The following PPARA variants were observed in gnomAD, a reference collection of about 807,000 sequenced individuals.
PPARA encodes the protein peroxisome proliferator activated receptor alpha.
PPARA carries 22 observed loss-of-function variants against 42.2 expected under a neutral mutation model. The ratio of observed to expected loss-of-function variants is 0.52; its 90% confidence interval spans 0.37 to 0.74. The LOEUF (loss-of-function observed/expected upper bound fraction) is 0.74, where lower values mean the gene tolerates loss of function less well. PPARA is among the 30% of genes least tolerant of loss of function. The pLI is 0.00. For synonymous variants in PPARA, 242 were observed against 239.3 expected (o/e 1.01, Z -0.10); for missense variants, 465 against 608.2 (o/e 0.76, Z 2.48).
At chr22:46,170,185 C>T (rs1413489622) in intron 2 of PPARA, among the ~76,000 whole-genome samples, 2 of 151,158 alleles carry the variant, frequency 1.3e-5, no homozygotes, top group Non-Finnish European at 2.9e-5. Context: ...TATACAGGCT[C>T]TTTTTCATAG....
rs1925318846 is a variant in PPARA, at chr22:46,156,508, C to T, written c.-127+4538C>T. On this transcript the variant is annotated intron_variant, in intron 2 of 8. Transcript: ENST00000407236. This position sits in a 1 kb window ranked among gnomAD's most constrained non-coding sequence, Gnocchi z 5.2. ...AGGCTTTCAGAAAGCAACATGCTACCGTACCCCTTATACACCAAAACTGGT... is the reference window on the plus strand; with the variant it reads ...AGGCTTTCAGAAAGCAACATGCTACTGTACCCCTTATACACCAAAACTGGT... 3.3e-5 allele frequency: 5 copies of T among 152,162 alleles called. No individual in the cohort carries two copies. Among genetic ancestry groups the T allele is most frequent in the African/African-American group, 7.2e-5 (3 of 41,414 alleles). 9.4% of individuals were successfully genotyped at this position (152,162 alleles called of 1,614,324 possible).
In PPARA at chr22:46,193,398, C is replaced by T. The variant is rs1288717693; in HGVS notation, c.-42-4944C>T. Among the ~76,000 whole-genome samples the T allele has an allele frequency of 6.6e-6, 1 of 151,960 alleles. No homozygotes were observed. The highest frequency in any genetic ancestry group is 2.4e-5 in the African/African-American group (1 of 41,356). On this transcript the variant is annotated intron_variant, in intron 3 of 8. Transcript: ENST00000407236. This position sits in a 1 kb window ranked among gnomAD's most constrained non-coding sequence, Gnocchi z 5.3. ...GATAGCATAATAGGGCGACTATAGT[C>T]AATAATAACTTAATGGTATATTTTT...
Position 46,195,740 on chromosome 22 carries a change from T to A in PPARA, c.-42-2602T>A, listed in dbSNP as rs1932153028. The stretch of plus-strand genomic sequence containing the variant: ...TATTCTTTACTCTATCTGGAGAGTC[T>A]GGCGTTCCGTAATCACCATGTGATG... On this transcript the variant is annotated intron_variant, in intron 3 of 8. Coordinates refer to ENST00000407236, the MANE Select transcript of PPARA (RefSeq NM_005036.6). This position sits in a 1 kb window ranked among gnomAD's most constrained non-coding sequence, Gnocchi z 4.6. 6.6e-6 allele frequency among the ~76,000 whole-genome samples: 1 copy of A among 152,192 alleles called. No individual in the cohort carries two copies. The highest frequency in any genetic ancestry group is 2.1e-4 in the South Asian group (1 of 4,826).
At chr22:46,170,392 C>A (rs1294069530) in intron 2 of PPARA, among the ~76,000 whole-genome samples, 2 of 144,332 alleles carry the variant, frequency 1.4e-5, no homozygotes, top group African/African-American at 5.1e-5. Context: ...TGTACCACCA[C>A]ACCCAGCTAA....
Position 46,173,737 on chromosome 22 carries a change from A to G in PPARA, c.-126-3016A>G, listed in dbSNP as rs1343998833. Among the ~76,000 whole-genome samples the G allele has an allele frequency of 1.3e-5, 2 of 152,240 alleles. No homozygotes were observed. Among genetic ancestry groups the G allele is most frequent in the African/African-American group, 4.8e-5 (2 of 41,462 alleles). On this transcript the variant is annotated intron_variant, in intron 2 of 8. Coordinates refer to ENST00000407236, the MANE Select transcript of PPARA (RefSeq NM_005036.6). The surrounding 1 kb of genome is among the most constrained non-coding windows in gnomAD (Gnocchi z 4.3). ...TTAACAAAATTTGAATACGAATCAT[A>G]GATTGAACTGTATCTGTTAAATTAA...
intron 4 of PPARA, among the ~76,000 whole-genome samples, chr22:46,205,004 A>T (rs2147444860): frequency 6.6e-6 from 1 of 151,632 alleles, no homozygotes; most frequent in East Asian, 1.9e-4. Flanking sequence ...AGTAGCTGGG[A>T]CCACAGGTGT....
chr22:46,212,950 G>A lies in PPARA; in HGVS notation c.209-2223G>A, dbSNP rs35528985. On this transcript the variant is annotated intron_variant, in intron 4 of 8. Coordinates refer to ENST00000407236, the MANE Select transcript of PPARA (RefSeq NM_005036.6). The surrounding 1 kb of genome is among the most constrained non-coding windows in gnomAD (Gnocchi z 4.2). ...GCAGAGGTTGCAGTGAGCTGAGATC[G>A]TGCCACTCCACTCCAGCCTGGGTGA... is the stretch of plus-strand genomic sequence containing the variant. Among the ~76,000 whole-genome samples, 347 of 152,272 alleles carry A rather than the reference G, an allele frequency of 2.3e-3. 1 individual carries two copies. The highest frequency in any genetic ancestry group is 0.014 in the Middle Eastern group (4 of 294).
intron 2 of PPARA, among the ~76,000 whole-genome samples, chr22:46,174,217 AGGG>A (rs1828579076): frequency 7.2e-5 from 1 of 13,826 alleles, no homozygotes; most frequent in African/African-American, 5.7e-4. Flanking sequence ...AGAGAGAGAG[AGGG>A]AGAAAGAAAG....
chr22:46,235,486 C>G lies in PPARA; in HGVS notation c.*106C>G. ...TTGCACAAATATCCACCACTTTAAC[C>G]TTAGAGCTTGGACAGTCTGAGCTGT... On this transcript the variant is annotated 3_prime_UTR_variant, in exon 9 of 9. Coordinates refer to ENST00000407236, the MANE Select transcript of PPARA (RefSeq NM_005036.6). The surrounding 1 kb of genome is among the most constrained non-coding windows in gnomAD (Gnocchi z 7.0). The G allele has an allele frequency of 6.9e-7, 1 of 1,448,098 alleles. No homozygotes were observed. Among genetic ancestry groups the G allele is most frequent in the Non-Finnish European group, 9.4e-7 (1 of 1,058,780 alleles). 89.7% of individuals were successfully genotyped at this position (1,448,098 alleles called of 1,614,324 possible).
chr22:46,153,126 A>G (rs981616539), intron 2 of PPARA, among the ~76,000 whole-genome samples: 2 of 150,010 alleles, frequency 1.3e-5, no homozygotes, highest in African/African-American at 4.9e-5. Flanking sequence ...ACTAATTGAC[A>G]TTAGAAAAAA....
In PPARA at chr22:46,182,728, C is replaced by T. The variant is rs1453697954; in HGVS notation, c.-43+5892C>T. Among the ~76,000 whole-genome samples, 1 of 151,936 alleles carries T rather than the reference C, an allele frequency of 6.6e-6. No homozygotes were observed. The highest frequency in any genetic ancestry group is 1.5e-5 in the Non-Finnish European group (1 of 67,980). On this transcript the variant is annotated intron_variant, in intron 3 of 8. Coordinates refer to ENST00000407236, the MANE Select transcript of PPARA (RefSeq NM_005036.6). This position sits in a 1 kb window ranked among gnomAD's most constrained non-coding sequence, Gnocchi z 5.2. ...GTATGCCAGTTACATGTCCATAAAG[C>T]TTTCTTTTGTTGTTTTGTTTTTATT...
At chr22:46,179,422 AC>A (rs777676178) in intron 3 of PPARA, among the ~76,000 whole-genome samples, 1 of 152,244 alleles carries the variant, frequency 6.6e-6, no homozygotes, top group Non-Finnish European at 1.5e-5. Flanking sequence ...ACTTAAAAAA[AC>A]AACTGGATTT....
rs933025966 is a variant in PPARA, at chr22:46,225,303, G to A, written c.711+5289G>A. ...GAACTCACTGCCCCTTGATTTGAGG[G>A]TAACAGGGATGGAAGCAGAGTCAGG... On this transcript the variant is annotated intron_variant, in intron 7 of 8. Coordinates refer to ENST00000407236, the MANE Select transcript of PPARA (RefSeq NM_005036.6). The surrounding 1 kb of genome is among the most constrained non-coding windows in gnomAD (Gnocchi z 4.1). Among the ~76,000 whole-genome samples the A allele has an allele frequency of 6.6e-6, 1 of 152,122 alleles. No individual in the cohort carries two copies. Among genetic ancestry groups the A allele is most frequent in the African/African-American group, 2.4e-5 (1 of 41,404 alleles).
rs4823902 is a variant in PPARA, at chr22:46,183,468, T to G, written c.-43+6632T>G. ...CAGAATCTGGATTATCAGGTCAGGC[T>G]CAATGGCTCACGCCAGTAGTCCCAG... On this transcript the variant is annotated intron_variant, in intron 3 of 8. Coordinates refer to ENST00000407236, the MANE Select transcript of PPARA (RefSeq NM_005036.6). This position sits in a 1 kb window ranked among gnomAD's most constrained non-coding sequence, Gnocchi z 5.5. Among the ~76,000 whole-genome samples the G allele has an allele frequency of 0.097, 14,827 of 152,180 alleles. 830 individuals are homozygous for G. The highest frequency in any genetic ancestry group is 0.2 in the East Asian group (1,036 of 5,174).
Position 46,198,532 on chromosome 22 carries a change from G to T in PPARA, c.149G>T (p.Gly50Val). 1 of 1,614,120 alleles carries T rather than the reference G, an allele frequency of 6.2e-7. No individual in the cohort carries two copies. The highest frequency in any genetic ancestry group is 8.5e-7 in the Non-Finnish European group (1 of 1,180,032). Residue 50 changes from glycine (G) to valine (V), a missense_variant, in exon 4 of 9, where the codon GGC becomes GTC. This residue lies in a region of PPARA where 152 missense variants were observed against 139.1 expected (regional missense o/e 1.09). Transcript: ENST00000407236. Reference sequence around the variant, plus strand: ...GGCGAGGATAGTTCTGGAAGCTTTGGCTTTACGGAATACCAGTATTTAGGA... The same window carrying T: ...GGCGAGGATAGTTCTGGAAGCTTTGTCTTTACGGAATACCAGTATTTAGGA... Reference protein sequence around the residue: ...SIGEDSSGSFGFTEYQYLGSC... With the variant: ...SIGEDSSGSFVFTEYQYLGSC...
rs144135337 is a variant in PPARA, at chr22:46,225,508, C to T, written c.711+5494C>T. Among the ~76,000 whole-genome samples, 228 of 152,236 alleles carry T rather than the reference C, an allele frequency of 1.5e-3. 1 individual carries two copies. The highest frequency in any genetic ancestry group is 2.9e-3 in the Non-Finnish European group (196 of 67,994). On this transcript the variant is annotated intron_variant, in intron 7 of 8. Coordinates refer to ENST00000407236, the MANE Select transcript of PPARA (RefSeq NM_005036.6). This position sits in a 1 kb window ranked among gnomAD's most constrained non-coding sequence, Gnocchi z 4.1. ...TGATGCACGCTCATGCACAAATGCA[C>T]GCACATACCCACACTCACACATCCG...
At position 46,160,021 on chromosome 22, in the gene PPARA, G is replaced by A. The variant is rs954125809; in HGVS notation, c.-127+8051G>A. 6.6e-6 allele frequency among the ~76,000 whole-genome samples: 1 copy of A among 152,166 alleles called. No individual in the cohort carries two copies. Among genetic ancestry groups the A allele is most frequent in the African/African-American group, 2.4e-5 (1 of 41,446 alleles). On this transcript the variant is annotated intron_variant, in intron 2 of 8. Coordinates refer to ENST00000407236, the MANE Select transcript of PPARA (RefSeq NM_005036.6). The surrounding 1 kb of genome is among the most constrained non-coding windows in gnomAD (Gnocchi z 4.5). ...CGATCACAAGCTGTGACTGGAAGAC[G>A]CCGACCACCACTGCAGCAGCCTGAA...
Position 46,215,153 on chromosome 22 carries a change from T to C in PPARA, c.209-20T>C, listed in dbSNP as rs199657225. On this transcript the variant is annotated intron_variant, in intron 4 of 8. Coordinates refer to ENST00000407236, the MANE Select transcript of PPARA (RefSeq NM_005036.6). ...TAGTGATGCCTGGACTATTCATCCG[T>C]CTCTCCTCTTTTTCCCCAGACACGC... The C allele has an allele frequency of 1.2e-5, 19 of 1,612,540 alleles. No individual in the cohort carries two copies. The highest frequency in any genetic ancestry group is 1.6e-5 in the Non-Finnish European group (19 of 1,179,380).
Position 46,233,591 on chromosome 22 carries a change from A to G in PPARA, c.1159+1352A>G, listed in dbSNP as rs1396804462. Reference sequence around the variant, plus strand: ...GTCCTTGCGCTCTGGCATAAAGTGTACAAAGACAAAGCAGTTATGCATAAT... The same window carrying G: ...GTCCTTGCGCTCTGGCATAAAGTGTGCAAAGACAAAGCAGTTATGCATAAT... On this transcript the variant is annotated intron_variant, in intron 8 of 8. Coordinates refer to ENST00000407236, the MANE Select transcript of PPARA (RefSeq NM_005036.6). This position sits in a 1 kb window ranked among gnomAD's most constrained non-coding sequence, Gnocchi z 7.3. Among the ~76,000 whole-genome samples the G allele has an allele frequency of 6.6e-6, 1 of 152,262 alleles. No homozygotes were observed. The highest frequency in any genetic ancestry group is 2.4e-5 in the African/African-American group (1 of 41,468).
Sources: gnomAD v4.1 joint callset for allele counts (sites outside exome capture counted in the v4.1 genomes callset) on GRCh38, gnomAD v4.1.1 for gene constraint, gnomAD v4.1.1 regional missense constraint, Gnocchi (gnomAD v3.1) non-coding constraint, MANE v1.5 for transcripts, NCBI Gene and HGNC (gene_info 2026-07-23, HGNC 2026-07-21) for gene names.